ATP6V0A4: variants seen among roughly 807,000 people sequenced by gnomAD.
The protein encoded by ATP6V0A4 is V-type proton ATPase 116 kDa subunit a 4.
Under a neutral mutation model 107.3 loss-of-function variants are expected in ATP6V0A4, and 86 were observed. The ratio of observed to expected loss-of-function variants is 0.80; its 90% confidence interval spans 0.67 to 0.96. The LOEUF is 0.96. Among genes scored for constraint, ATP6V0A4 ranks in the 40% least tolerant of loss-of-function variants. The probability of loss-of-function intolerance (pLI) is 0.00; values close to 1 mark genes in which losing one functional copy is unlikely to be tolerated. For missense variants in ATP6V0A4, 908 were observed against 1,045.6 expected, an observed-to-expected ratio of 0.87 and a Z score of 1.81; for synonymous variants, 353 against 381.4, an observed-to-expected ratio of 0.93 and a Z score of 0.87.
rs369016343 is a variant in ATP6V0A4 at position 138,759,893 on chromosome 7, G to C, written c.513-15C>G. 2 of 1,613,904 alleles carry C rather than the reference G, an allele frequency of 1.2e-6. No homozygotes were observed. The highest frequency in any genetic ancestry group is 2.2e-5 in the East Asian group (1 of 44,882). Reference sequence around the variant, plus strand: ...CGGCTATGAACCTAGGCAGCCAGAAGGGAAGACATTCCTTAAGGCACAGGG... The same window carrying C: ...CGGCTATGAACCTAGGCAGCCAGAACGGAAGACATTCCTTAAGGCACAGGG... On this transcript the variant is annotated splice_polypyrimidine_tract_variant and intron_variant, in intron 7 of 21. Transcript: ENST00000310018.
chr7:138,749,784 C>T (rs1288405487), intron 11 of ATP6V0A4, among the ~76,000 whole-genome samples: 1 of 152,158 alleles, frequency 6.6e-6, no homozygotes, highest in Non-Finnish European at 1.5e-5. Context: ...AGGTCCCCTC[C>T]ACAAACTCCC....
intron 2 of ATP6V0A4, among the ~76,000 whole-genome samples, chr7:138,777,161 A>C (rs142576731): frequency 6.6e-6 from 1 of 152,072 alleles, no homozygotes; most frequent in African/African-American, 2.4e-5. Context: ...AAAAAAAACA[A>C]CAAAAAAAGT....
chr7:138,769,838 G>A (rs117314794), intron 3 of ATP6V0A4, among the ~76,000 whole-genome samples: 2,638 of 152,218 alleles, frequency 0.017, 28 homozygotes, highest in Middle Eastern at 0.044. Flanking sequence ...AACACTTTGG[G>A]AGGTCGAGGC....
intron 18 of ATP6V0A4, among the ~76,000 whole-genome samples, chr7:138,726,746 C>T (rs976190285): frequency 3.3e-5 from 5 of 152,116 alleles, no homozygotes; most frequent in South Asian, 2.1e-4. Flanking sequence ...AACCAACAGC[C>T]GTGCATCCCA....
chr7:138,768,793 A>G lies in ATP6V0A4; in HGVS notation c.278T>C (p.Met93Thr). 1 of 1,614,132 alleles carries G rather than the reference A, an allele frequency of 6.2e-7. No homozygotes were observed. Among genetic ancestry groups the G allele is most frequent in the Non-Finnish European group, 8.5e-7 (1 of 1,180,020 alleles). ...KSPLTPLPRE[M>T]ITLETVLEKL... ...TGGAGAACTTACCTCCAGGGTAATC[A>G]TTTCCCGTGGGAGCGGGGTCAGTGG... Residue 93 changes from methionine to threonine, a missense_variant, in exon 5 of 22, where the codon ATG becomes ACG. Met to Thr is a moderately conservative substitution (Grantham distance 81). Coordinates refer to ENST00000310018, the MANE Select transcript of ATP6V0A4 (RefSeq NM_020632.3).
At chr7:138,716,999 A>G (rs1477830165) in intron 19 of ATP6V0A4, among the ~76,000 whole-genome samples, 1 of 152,228 alleles carries the variant, frequency 6.6e-6, no homozygotes, top group African/African-American at 2.4e-5. Context: ...GTGGGAACAC[A>G]GAGAAGGCCC....
intron 21 of ATP6V0A4, among the ~76,000 whole-genome samples, chr7:138,707,591 C>G (rs1250570475): frequency 2.0e-5 from 3 of 149,778 alleles, no homozygotes; most frequent in Non-Finnish European, 4.4e-5. Flanking sequence ...TAGTAAACAC[C>G]AGGTTTTGCT....
At chr7:138,728,681 C>A in intron 18 of ATP6V0A4, 80 bp downstream of exon 18, 2 of 1,593,536 alleles carry the variant, frequency 1.3e-6, no homozygotes, top group Non-Finnish European at 8.6e-7. Context: ...CAGGACGATT[C>A]TCTCTAAACC....
At chr7:138,713,142 A>T (rs11770240) in intron 20 of ATP6V0A4, among the ~76,000 whole-genome samples, 19 of 106,102 alleles carry the variant, frequency 1.8e-4, no homozygotes, top group Admixed American at 6.9e-4. Flanking sequence ...TACAAAAATT[A>T]AAAAAAAAAA....
At chr7:138,708,128 T>G (rs994588218) in intron 21 of ATP6V0A4, among the ~76,000 whole-genome samples, 1 of 151,940 alleles carries the variant, frequency 6.6e-6, no homozygotes, top group Admixed American at 6.6e-5. Flanking sequence ...CTCAGCTCAC[T>G]GCAAGCTCCA....
chr7:138,719,195 A>G (rs1804305229), intron 19 of ATP6V0A4, among the ~76,000 whole-genome samples: 1 of 152,106 alleles, frequency 6.6e-6, no homozygotes, highest in Non-Finnish European at 1.5e-5. Context: ...CAAAATAGTA[A>G]TTATAATAAT....
intron 21 of ATP6V0A4, among the ~76,000 whole-genome samples, chr7:138,708,081 T>C (rs932859752): frequency 2.0e-5 from 3 of 151,270 alleles, no homozygotes; most frequent in Non-Finnish European, 3.0e-5. Context: ...AGACGGAGTC[T>C]CGCTCTGTTG....
intron 21 of ATP6V0A4, among the ~76,000 whole-genome samples, chr7:138,707,336 A>T (rs1353294534): frequency 3.0e-5 from 2 of 66,826 alleles, no homozygotes; most frequent in Non-Finnish European, 5.5e-5. Flanking sequence ...TTATATTTAT[A>T]ATATATATAT....
intron 20 of ATP6V0A4, among the ~76,000 whole-genome samples, chr7:138,712,580 T>C (rs6960189): frequency 0.32 from 48,083 of 152,090 alleles, 7,823 homozygotes; most frequent in Admixed American, 0.39. Context: ...GGAACCAGAA[T>C]TTAAGTCAGT....
At chr7:138,796,499 A>T (rs2130247560) in intron 1 of ATP6V0A4, among the ~76,000 whole-genome samples, 1 of 152,152 alleles carries the variant, frequency 6.6e-6, no homozygotes, top group South Asian at 2.1e-4. Context: ...CACCCTTACC[A>T]GGCCCATTCA....
chr7:138,762,050 G>C (rs1219398821), intron 7 of ATP6V0A4, among the ~76,000 whole-genome samples: 1 of 152,172 alleles, frequency 6.6e-6, no homozygotes, highest in Non-Finnish European at 1.5e-5. Context: ...CCAGGGAAGA[G>C]TTGTGATAAC....
intron 2 of ATP6V0A4, among the ~76,000 whole-genome samples, chr7:138,784,962 C>T (rs1250242133): frequency 6.6e-6 from 1 of 152,162 alleles, no homozygotes; most frequent in African/African-American, 2.4e-5. Context: ...TCCTTTAACA[C>T]AGGGCTTCCT....
At chr7:138,768,028 G>A (rs1807180692) in intron 5 of ATP6V0A4, among the ~76,000 whole-genome samples, 1 of 152,176 alleles carries the variant, frequency 6.6e-6, no homozygotes, top group East Asian at 1.9e-4. Context: ...CTGCGTCCCG[G>A]ATTCAAGCGA....
chr7:138,769,060 C>A, intron 4 of ATP6V0A4, 113 bp downstream of exon 4: 1 of 1,585,444 alleles, frequency 6.3e-7, no homozygotes, highest in Non-Finnish European at 8.6e-7. Context: ...CTGGGACCAC[C>A]TCAAAAAGTA....
Sources: allele counts gnomAD v4.1 joint callset (sites outside exome capture counted in the v4.1 genomes callset), GRCh38; gene constraint gnomAD v4.1.1; transcripts MANE v1.5; gene names NCBI Gene and HGNC (gene_info 2026-07-23, HGNC 2026-07-21).